The following SLC35F1 variants were observed in gnomAD, a reference collection of about 807,000 sequenced individuals.
SLC35F1 encodes solute carrier family 35 member F1.
In SLC35F1, 14 loss-of-function variants were observed where a neutral mutation model predicts 48.7. The observed-to-expected ratio is 0.29, with a 90% confidence interval of 0.19 to 0.45. The LOEUF (loss-of-function observed/expected upper bound fraction) is 0.45. Among genes scored for constraint, SLC35F1 ranks in the 20% least tolerant of loss-of-function variants. The pLI, the probability that SLC35F1 is intolerant of heterozygous loss-of-function variation, is 1.00. For synonymous variants in SLC35F1, 190 were observed against 202.2 expected, an observed-to-expected ratio of 0.94 and a Z score of 0.51; for missense variants, 404 against 500.0, an observed-to-expected ratio of 0.81 and a Z score of 1.83.
At chr6:118,060,652 G>T (rs1265557254) in intron 1 of SLC35F1, among the ~76,000 whole-genome samples, 2 of 152,078 alleles carry the variant, frequency 1.3e-5, no homozygotes, top group African/African-American at 4.8e-5. Context: ...CAAAATGTAT[G>T]AATGAATGAA....
intron 1 of SLC35F1, among the ~76,000 whole-genome samples, chr6:118,119,695 G>C (rs1773528791): frequency 6.6e-6 from 1 of 152,074 alleles, no homozygotes; most frequent in South Asian, 2.1e-4. Context: ...CATTTTTTGA[G>C]AGACATCAAG....
intron 2 of SLC35F1, among the ~76,000 whole-genome samples, chr6:118,224,856 AG>A (rs1284032859): frequency 1.3e-5 from 2 of 152,132 alleles, no homozygotes; most frequent in African/African-American, 4.8e-5. Context: ...TGTGTGTACA[AG>A]GCTAATTTGA....
intron 1 of SLC35F1, among the ~76,000 whole-genome samples, chr6:117,960,611 G>A (rs970961339): frequency 6.6e-6 from 1 of 152,152 alleles, no homozygotes. Flanking sequence ...TAGAAAGGGG[G>A]AAGAGGGAAA....
intron 1 of SLC35F1, among the ~76,000 whole-genome samples, chr6:118,059,135 A>C (rs1005659064): frequency 6.6e-6 from 1 of 152,224 alleles, no homozygotes; most frequent in Non-Finnish European, 1.5e-5. Context: ...CTGCAACAGA[A>C]CAGATAATGC....
At chr6:118,275,338 A>G in intron 4 of SLC35F1, 121 bp from the exon 5 acceptor site, 1 of 1,061,778 alleles carries the variant, frequency 9.4e-7, no homozygotes, top group Non-Finnish European at 1.3e-6. Flanking sequence ...TGGAAATTGC[A>G]TGACTTCTAT....
chr6:117,991,913 A>G (rs1582604425), intron 1 of SLC35F1, among the ~76,000 whole-genome samples: 1 of 152,294 alleles, frequency 6.6e-6, no homozygotes, highest in East Asian at 1.9e-4. Flanking sequence ...TTCTCATGAT[A>G]CCAAAATTTT....
intron 1 of SLC35F1, among the ~76,000 whole-genome samples, chr6:117,913,212 G>T (rs1466066795): frequency 6.6e-6 from 1 of 152,188 alleles, no homozygotes; most frequent in East Asian, 1.9e-4. Flanking sequence ...TTCTCAAGAA[G>T]TATGCTTAGG....
chr6:117,962,237 G>A (rs1372039578), intron 1 of SLC35F1, among the ~76,000 whole-genome samples: 1 of 152,126 alleles, frequency 6.6e-6, no homozygotes, highest in East Asian at 1.9e-4. Flanking sequence ...CTGTCTATCA[G>A]CCTCCCTTCT....
At chr6:117,936,888 A>T (rs1340252605) in intron 1 of SLC35F1, among the ~76,000 whole-genome samples, 3 of 152,158 alleles carry the variant, frequency 2.0e-5, no homozygotes, top group Admixed American at 6.5e-5. Context: ...CCAATTTATT[A>T]TTGTTACTGT....
intron 1 of SLC35F1, among the ~76,000 whole-genome samples, chr6:118,014,488 G>T (rs1777293525): frequency 6.6e-6 from 1 of 152,092 alleles, no homozygotes; most frequent in Non-Finnish European, 1.5e-5. Flanking sequence ...GTGTACACTG[G>T]GAATAAATTG....
At chr6:118,212,359 G>C (rs994626307) in intron 2 of SLC35F1, among the ~76,000 whole-genome samples, 6 of 152,066 alleles carry the variant, frequency 3.9e-5, no homozygotes, top group African/African-American at 1.4e-4. Flanking sequence ...ACTACAGCTG[G>C]TGTCTGTTGA....
intron 3 of SLC35F1, among the ~76,000 whole-genome samples, chr6:118,249,910 A>G (rs565414160): frequency 5.3e-4 from 81 of 152,254 alleles, no homozygotes; most frequent in African/African-American, 1.9e-3. Flanking sequence ...CCAGAGAACG[A>G]TGACAGGAAG....
chr6:118,083,987 G>A (rs969147006), intron 1 of SLC35F1, among the ~76,000 whole-genome samples: 4 of 152,216 alleles, frequency 2.6e-5, no homozygotes, highest in Non-Finnish European at 4.4e-5. Context: ...TTGTGTGACA[G>A]ATTGTAAGCC....
chr6:118,068,369 CAT>C (rs1243309887), intron 1 of SLC35F1, among the ~76,000 whole-genome samples: 4 of 152,122 alleles, frequency 2.6e-5, no homozygotes, highest in African/African-American at 9.7e-5. Flanking sequence ...GAAAGTTAGA[CAT>C]GTGTAAGAAG....
intron 1 of SLC35F1, among the ~76,000 whole-genome samples, chr6:117,953,178 T>C (rs1776385186): frequency 6.6e-6 from 1 of 152,230 alleles, no homozygotes; most frequent in Non-Finnish European, 1.5e-5. Flanking sequence ...ATATCCCTCA[T>C]TGGTATCCTT....
intron 2 of SLC35F1, among the ~76,000 whole-genome samples, chr6:118,188,015 T>C (rs1774682737): frequency 6.6e-6 from 1 of 152,236 alleles, no homozygotes; most frequent in Non-Finnish European, 1.5e-5. Context: ...GATTGCTTCA[T>C]TATGTGTAAC....
chr6:117,913,143 C>T (rs1005319707), intron 1 of SLC35F1, among the ~76,000 whole-genome samples: 6 of 152,156 alleles, frequency 3.9e-5, no homozygotes, highest in East Asian at 1.9e-4. Flanking sequence ...TGTTCATTTG[C>T]GTTCAGGCCA....
At chr6:117,966,131 G>GCCCACC (rs1776561614) in intron 1 of SLC35F1, among the ~76,000 whole-genome samples, 1 of 101,102 alleles carries the variant, frequency 9.9e-6, no homozygotes, top group Non-Finnish European at 2.0e-5. Flanking sequence ...GCAGGCCACC[G>GCCCACC]CCCCCCCCCC....
chr6:118,138,153 T>TA (rs1773825227), intron 1 of SLC35F1, among the ~76,000 whole-genome samples: 1 of 151,542 alleles, frequency 6.6e-6, no homozygotes, highest in Non-Finnish European at 1.5e-5. Flanking sequence ...TACAAAAAGT[T>TA]AAAAAATTAG....
Sources: allele counts gnomAD v4.1 joint callset (sites outside exome capture counted in the v4.1 genomes callset), GRCh38; gene constraint gnomAD v4.1.1; transcripts MANE v1.5; gene names NCBI Gene and HGNC (gene_info 2026-07-23, HGNC 2026-07-21).